LRRC49: variants seen among roughly 807,000 people sequenced by gnomAD.
The protein encoded by LRRC49 is leucine-rich repeat-containing protein 49.
In LRRC49, 50 loss-of-function variants were observed where a neutral mutation model predicts 83.3. That is an observed-to-expected ratio of 0.60 (90% CI 0.48 to 0.76). The LOEUF (loss-of-function observed/expected upper bound fraction) is 0.76. Ranked by LOEUF, LRRC49 falls within the 30% of genes least tolerant of loss-of-function variation. LRRC49 has a pLI of 0.00. For synonymous variants in LRRC49, 286 were observed against 283.3 expected, an observed-to-expected ratio of 1.01 and a Z score of -0.10; for missense variants, 704 against 809.1, an observed-to-expected ratio of 0.87 and a Z score of 1.58.
At chr15:70,987,452 A>G (rs1461495607) in intron 11 of LRRC49, among the ~76,000 whole-genome samples, 2 of 151,928 alleles carry the variant, frequency 1.3e-5, no homozygotes, top group African/African-American at 4.8e-5. Flanking sequence ...TCTGATGGCA[A>G]TTTGTATTTC....
chr15:70,889,614 C>T (rs1052327563), upstream of LRRC49, among the ~76,000 whole-genome samples: 4 of 152,174 alleles, frequency 2.6e-5, no homozygotes, highest in African/African-American at 7.2e-5. Flanking sequence ...GCAAAATTAA[C>T]AGTTAAGGGA....
At chr15:70,927,731 T>A (rs945834371) in intron 7 of LRRC49, among the ~76,000 whole-genome samples, 1 of 152,182 alleles carries the variant, frequency 6.6e-6, no homozygotes, top group African/African-American at 2.4e-5. Context: ...CACTGCAGCC[T>A]TGACCTCCTG....
intron 2 of LRRC49, chr15:70,895,603 C>A: frequency 5.5e-6 from 2 of 365,990 alleles, no homozygotes; most frequent in Non-Finnish European, 4.9e-6. Flanking sequence ...ATCCCTGTAC[C>A]CATTAAGCAG....
At chr15:70,938,883 A>G (rs980425513) in intron 8 of LRRC49, among the ~76,000 whole-genome samples, 1 of 152,216 alleles carries the variant, frequency 6.6e-6, no homozygotes, top group Non-Finnish European at 1.5e-5. Context: ...AAACCCATAT[A>G]GGGATCCTAA....
At position 70,996,900 on chromosome 15, in the gene LRRC49, T is replaced by C. The variant is rs369251600; in HGVS notation, c.1170-11479T>C. ...TTTGTGAATTTACCAGATTTGTTCATTGTGGTCAGAGAAGACATTTTGTAG... is the reference window on the plus strand; with the variant it reads ...TTTGTGAATTTACCAGATTTGTTCACTGTGGTCAGAGAAGACATTTTGTAG... On this transcript the variant is annotated intron_variant, in intron 11 of 15. Transcript: ENST00000260382. Among the ~76,000 whole-genome samples the C allele has an allele frequency of 1.3e-4, 20 of 152,354 alleles. 1 individual carries two copies. Among genetic ancestry groups the C allele is most frequent in the African/African-American group, 4.8e-4 (20 of 41,584 alleles).
At position 70,919,170 on chromosome 15, in the gene LRRC49, C is replaced by G; in HGVS notation, c.688C>G (p.Arg230Gly). The G allele has an allele frequency of 6.2e-7, 1 of 1,611,256 alleles. No homozygotes were observed. Residue 230 changes from arginine to glycine, a missense_variant, in exon 7 of 16, where the codon CGA becomes GGA. Physicochemically the swap from Arg to Gly is moderately radical, Grantham distance 125 (BLOSUM62 -2). Coordinates refer to ENST00000260382, the MANE Select transcript of LRRC49 (RefSeq NM_017691.5). ...GGATTCACTAACTGAACTTAACTTG[C>G]GACACAATCAAATCACTTTCGTGGT... ...GLDSLTELNLRHNQITFVRDV... is the reference protein window; with the variant it reads ...GLDSLTELNLGHNQITFVRDV...
Position 70,861,248 on chromosome 15 carries a change from A to G in LRRC49, c.-299+7779A>G, listed in dbSNP as rs922945374. On this transcript the variant is annotated intron_variant, in intron 1 of 16. Transcript: ENST00000544974. ...CCTAGTTCAGGGCCTAGGATATAGT[A>G]GCTACTCAATAAATTGGTGTTGAAT... Among the ~76,000 whole-genome samples the G allele has an allele frequency of 5.3e-5, 8 of 152,096 alleles. No individual in the cohort carries two copies. The East Asian group carries it at 1.5e-3, about 29-fold the overall frequency.
chr15:70,879,456 C>G (rs1323046603), intron 2 of LRRC49, among the ~76,000 whole-genome samples: 1 of 152,196 alleles, frequency 6.6e-6, no homozygotes, highest in Non-Finnish European at 1.5e-5. Context: ...TTAACTTCTT[C>G]CTAAACACTT....
chr15:70,901,054 T>C (rs749017758), intron 4 of LRRC49, 30 bp downstream of exon 4: 4 of 1,344,346 alleles, frequency 3.0e-6, no homozygotes, highest in Non-Finnish European at 4.2e-6. Flanking sequence ...TTTTCTTTTT[T>C]TTGACTAGGT....
intron 14 of LRRC49, among the ~76,000 whole-genome samples, chr15:71,025,071 A>G (rs1255352225): frequency 6.6e-6 from 1 of 152,238 alleles, no homozygotes; most frequent in Non-Finnish European, 1.5e-5. Flanking sequence ...CCTACAGCTG[A>G]CTGGGGAACC....
At chr15:70,999,717 C>T (rs1208498626) in intron 11 of LRRC49, among the ~76,000 whole-genome samples, 3 of 152,164 alleles carry the variant, frequency 2.0e-5, no homozygotes. Flanking sequence ...CTCACAGGAG[C>T]TTCTCAAAAC....
At chr15:70,995,358 T>C (rs2038039503) in intron 11 of LRRC49, among the ~76,000 whole-genome samples, 1 of 152,218 alleles carries the variant, frequency 6.6e-6, no homozygotes, top group African/African-American at 2.4e-5. Context: ...TTTTTGAGGT[T>C]AAATATTTTA....
intron 14 of LRRC49, among the ~76,000 whole-genome samples, chr15:71,015,980 A>G (rs540502171): frequency 6.6e-6 from 1 of 152,342 alleles, no homozygotes; most frequent in African/African-American, 2.4e-5. Flanking sequence ...AAGGTGTTTC[A>G]GAAAATAAAA....
chr15:70,967,958 T>C (rs2036849514), intron 9 of LRRC49, among the ~76,000 whole-genome samples: 1 of 151,984 alleles, frequency 6.6e-6, no homozygotes, highest in Admixed American at 6.6e-5. Flanking sequence ...GTAACTTTTT[T>C]TTTTTTTGCA....
chr15:70,891,616 T>TGA (rs974096296), upstream of LRRC49, among the ~76,000 whole-genome samples: 1 of 124,156 alleles, frequency 8.1e-6, no homozygotes, highest in Non-Finnish European at 1.7e-5. Context: ...TGTGTGTGTG[T>TGA]GTGAGTTTTG....
chr15:71,011,982 T>A (rs890786239), intron 13 of LRRC49, among the ~76,000 whole-genome samples: 2 of 152,264 alleles, frequency 1.3e-5, no homozygotes, highest in African/African-American at 4.8e-5. Flanking sequence ...GGCTGTCCTC[T>A]GCATTGTGAC....
Position 70,900,930 on chromosome 15 carries a change from A to G in LRRC49, c.202A>G (p.Ile68Val), listed in dbSNP as rs2034047812. Residue 68 changes from isoleucine (I) to valine (V), a missense_variant, in exon 4 of 16, where the codon ATT becomes GTT. This residue lies in a region of LRRC49 where 261 missense variants were observed against 330.5 expected (regional missense o/e 0.79). Coordinates refer to ENST00000260382, the MANE Select transcript of LRRC49 (RefSeq NM_017691.5). ...RNYSSRQGDH[I>V]NLVSSSLSSF... ...TATATCATTTTTAATAGGTGATCAT[A>G]TTAATTTGGTGAGCTCATCATTGTC... 2.5e-6 allele frequency: 4 copies of G among 1,588,478 alleles called. No homozygotes were observed. The highest frequency in any genetic ancestry group is 3.4e-6 in the Non-Finnish European group (4 of 1,163,258).
chr15:71,049,368 T>A, intron 15 of LRRC49, 41 bp from the exon 16 acceptor site: 6 of 1,296,522 alleles, frequency 4.6e-6, no homozygotes, highest in Non-Finnish European at 6.5e-6. Context: ...ACTTTTGGAT[T>A]AGTTATGATT....
At chr15:70,979,500 A>G (rs1426173460) in intron 9 of LRRC49, among the ~76,000 whole-genome samples, 1 of 151,986 alleles carries the variant, frequency 6.6e-6, no homozygotes, top group African/African-American at 2.4e-5. Context: ...TCTCTTAGCA[A>G]ATGCCAAGAT....
Sources: allele counts gnomAD v4.1 joint callset (sites outside exome capture counted in the v4.1 genomes callset), GRCh38; gene constraint gnomAD v4.1.1; regional missense constraint gnomAD v4.1.1; transcripts MANE v1.5; gene names NCBI Gene and HGNC (gene_info 2026-07-23, HGNC 2026-07-21).